PTCH1: variants seen among roughly 807,000 people sequenced by gnomAD.
PTCH1 encodes the protein patched 1, also known as protein patched homolog 1.
PTCH1 carries 14 observed loss-of-function variants against 144.6 expected under a neutral mutation model. The observed-to-expected ratio is 0.10, with a 90% CI of 0.06 to 0.15. PTCH1 has a LOEUF of 0.15. PTCH1 is among the 10% of genes least tolerant of loss of function. The probability of loss-of-function intolerance (pLI) is 1.00; values close to 1 mark genes in which losing one functional copy is unlikely to be tolerated. For synonymous variants in PTCH1, 833 were observed against 793.6 expected (o/e 1.05, Z -0.83); for missense variants, 1,623 against 1,948.3 (o/e 0.83, Z 3.14).
At chr9:95,452,920 T>G (rs1254177250) in intron 20 of PTCH1, 2 of 171,220 alleles carry the variant, frequency 1.2e-5, no homozygotes, top group African/African-American at 4.8e-5. Flanking sequence ...ATCCTTTGGC[T>G]TCAAGCTGCA....
chr9:95,515,849 T>A (rs1844339837), intron 1 of PTCH1, among the ~76,000 whole-genome samples: 1 of 152,122 alleles, frequency 6.6e-6, no homozygotes, highest in Non-Finnish European at 1.5e-5. Context: ...GTAAGGTGCG[T>A]CTCTTCTAGC....
chr9:95,444,488 GACAC>G lies in PTCH1; in HGVS notation c.*1901_*1904del, dbSNP rs531572088. 971 of 152,156 alleles carry G rather than the reference GACAC, an allele frequency of 6.4e-3. 31 individuals carry two copies. Among genetic ancestry groups the G allele is most frequent in the Admixed American group, 0.055 (842 of 15,210 alleles). The allele number at this position is 152,156 out of a possible 1,614,324, so 9.4% of individuals were successfully genotyped here. On this transcript the variant is annotated 3_prime_UTR_variant, in exon 24 of 24. Coordinates refer to ENST00000331920, the MANE Select transcript of PTCH1 (RefSeq NM_000264.5). ...GGGGGTGGCCAGGGTCCCCAGCAGA[GACAC>G]ACACACACGCACGCACGCACACACA...
chr9:95,474,229 A>G (rs1840839270), intron 12 of PTCH1: 1 of 335,288 alleles, frequency 3.0e-6, no homozygotes, highest in African/African-American at 2.1e-5. Context: ...CAAAAAGGCA[A>G]GCAGAAAAGA....
In PTCH1 at chr9:95,476,100, G is replaced by A. The variant is rs769847137; in HGVS notation, c.1662C>T (p.Ser554=). The A allele has an allele frequency of 1.9e-6, 3 of 1,613,844 alleles. No homozygotes were observed. Among genetic ancestry groups the A allele is most frequent in the Admixed American group, 3.3e-5 (2 of 60,012 alleles). ...CGGCCATGAAGAAGGCTGTGACATT[G>A]CTGATGGACGTGAGGGCCACGCTGG... ...TGASVALTSI[S]NVTAFFMAAL... The change falls in exon 12 of 24, where the codon AGC becomes AGT. Residue 554 remains serine (S), a synonymous_variant. Transcript: ENST00000331920. This position sits in a 1 kb window ranked among gnomAD's most constrained non-coding sequence, Gnocchi z 4.6.
At chr9:95,459,535 G>A in intron 17 of PTCH1, 65 bp downstream of exon 17, 1 of 1,578,348 alleles carries the variant, frequency 6.3e-7, no homozygotes. Context: ...GGCTGTTGCT[G>A]AGTTTGGAGA....
chr9:95,453,961 T>C (rs1838697146), intron 19 of PTCH1, among the ~76,000 whole-genome samples: 1 of 152,168 alleles, frequency 6.6e-6, no homozygotes, highest in Admixed American at 6.5e-5. Flanking sequence ...AGACCTCCAA[T>C]TCCCACAGCA....
chr9:95,447,068 TC>T lies in PTCH1; in HGVS notation c.4187del (p.Gly1396AspfsTer56), dbSNP rs1588510168. On this transcript the variant is annotated frameshift_variant, in exon 23 of 24. Coordinates refer to ENST00000331920, the MANE Select transcript of PTCH1 (RefSeq NM_000264.5). LOFTEE classifies it high-confidence loss of function. Reference sequence around the variant, plus strand: ...CAGTCTCAGGGTAGCCTGGGCAGAGTCCCCCTCGGGGGTTCCGCCCAGGCCC... The same window carrying T: ...CAGTCTCAGGGTAGCCTGGGCAGAGTCCCCTCGGGGGTTCCGCCCAGGCCC... ...VPGPGRNPRGGLCPGYPETDH... is the reference protein window; with the variant it reads ...VPGPGRNPRGXLCPGYPETDH... The T allele has an allele frequency of 1.2e-6, 2 of 1,613,580 alleles. No homozygotes were observed. The highest frequency in any genetic ancestry group is 1.7e-4 in the Middle Eastern group (1 of 6,060).
At chr9:95,465,439 T>C (rs996880666) in intron 15 of PTCH1, among the ~76,000 whole-genome samples, 1 of 152,246 alleles carries the variant, frequency 6.6e-6, no homozygotes, top group African/African-American at 2.4e-5. Context: ...ACCATTGCTT[T>C]CTAAACTAAA....
Position 95,468,516 on chromosome 9 carries a change from A to C in PTCH1, c.2250+235T>G, listed in dbSNP as rs1358520666. On this transcript the variant is annotated intron_variant, in intron 14 of 23. Coordinates refer to ENST00000331920, the MANE Select transcript of PTCH1 (RefSeq NM_000264.5). ...AGTGGCAATAATCACATTTTTAAAC[A>C]ACCTCATTCATAAAAAGACTTGCTG... is the stretch of plus-strand genomic sequence containing the variant. Among the ~76,000 whole-genome samples the C allele has an allele frequency of 2.0e-5, 3 of 152,236 alleles. No individual in the cohort carries two copies. In the East Asian group the frequency reaches 5.8e-4, roughly 29 times the overall value.
chr9:95,494,160 CG>C, intron 2 of PTCH1: 1 of 974,638 alleles, frequency 1.0e-6, no homozygotes, highest in Non-Finnish European at 1.2e-6. Flanking sequence ...AACGCGCATG[CG>C]CCGGAAGCAA....
rs1838044861 is a variant in PTCH1, at chr9:95,447,377, C to T, written c.3879G>A (p.Leu1293=). The T allele has an allele frequency of 1.2e-6, 2 of 1,612,706 alleles. No homozygotes were observed. Among genetic ancestry groups the T allele is most frequent in the Non-Finnish European group, 1.7e-6 (2 of 1,179,606 alleles). Residue 1293 remains leucine, a synonymous_variant, in exon 23 of 24, where the codon CTG becomes CTA. Coordinates refer to ENST00000331920, the MANE Select transcript of PTCH1 (RefSeq NM_000264.5). ...RQQPHLDSGS[L]PPGRQGQQPR... ...GCTGCTGGCCTTGCCGTCCGGGAGG[C>T]AGGGACCCTGAGTCCAGGTGGGGCT...
chr9:95,491,151 G>A (rs1461243088), intron 2 of PTCH1, among the ~76,000 whole-genome samples: 1 of 152,074 alleles, frequency 6.6e-6, no homozygotes, highest in Non-Finnish European at 1.5e-5. Context: ...ACAAAATAAC[G>A]TTTTATACTT....
chr9:95,462,022 CA>C, intron 15 of PTCH1, 24 bp from the exon 16 acceptor site: 4 of 1,614,144 alleles, frequency 2.5e-6, no homozygotes, highest in Non-Finnish European at 3.4e-6. Flanking sequence ...ATGATTGTAA[CA>C]CATTATAACT....
chr9:95,509,504 A>G (rs1297674384), upstream of PTCH1, among the ~76,000 whole-genome samples: 1 of 152,238 alleles, frequency 6.6e-6, no homozygotes, highest in African/African-American at 2.4e-5. Flanking sequence ...ACCTTCTCGC[A>G]TGCAATACTT....
chr9:95,516,615 C>CCAGTCTT (rs779469977), exon 1 of PTCH1: 1 of 1,607,132 alleles, frequency 6.2e-7, no homozygotes, highest in South Asian at 1.1e-5. Context: ...CCCTCGTCTC[C>CCAGTCTT]CCCTTGCCTT....
At chr9:95,469,981 C>G (rs1840418834) in intron 12 of PTCH1, 50 bp from the exon 13 acceptor site, 1 of 1,278,786 alleles carries the variant, frequency 7.8e-7, no homozygotes, top group African/African-American at 1.5e-5. Flanking sequence ...TCCGCCCAAT[C>G]AGAGGACTGC....
At chr9:95,508,058 T>A (rs199727778) in intron 1 of PTCH1, 103 bp downstream of exon 1, 732 of 1,501,208 alleles carry the variant, frequency 4.9e-4, no homozygotes, top group African/African-American at 2.5e-3. Flanking sequence ...TGTGTGTGTG[T>A]GAGAGAGAGA....
intron 1 of PTCH1, chr9:95,507,111 T>A: frequency 1.0e-6 from 1 of 983,694 alleles, no homozygotes; most frequent in Non-Finnish European, 1.2e-6. Flanking sequence ...AGAATGGTAG[T>A]AAGTGGGGAT....
intron 1 of PTCH1, 88 bp from the exon 2 acceptor site, chr9:95,506,687 C>A: frequency 2.0e-5 from 25 of 1,268,178 alleles, no homozygotes; most frequent in East Asian, 6.3e-5. Context: ...CCCGGTGAGC[C>A]CCCAACAGCC....
Sources: allele counts gnomAD v4.1 joint callset (sites outside exome capture counted in the v4.1 genomes callset), GRCh38; gene constraint gnomAD v4.1.1; non-coding constraint Gnocchi (gnomAD v3.1); transcripts MANE v1.5; gene names NCBI Gene and HGNC (gene_info 2026-07-23, HGNC 2026-07-21).